Variants in POLR2F observed in about 807,000 individuals in gnomAD.
POLR2F encodes DNA-directed RNA polymerases I, II, and III subunit RPABC2.
In POLR2F, 12 loss-of-function variants were observed where a neutral mutation model predicts 22.7. That is an observed-to-expected ratio of 0.53 (90% confidence interval 0.34 to 0.86). The LOEUF (loss-of-function observed/expected upper bound fraction) is 0.86. Ranked by LOEUF, POLR2F falls within the 40% of genes least tolerant of loss-of-function variation. The pLI is 0.02. For synonymous variants in POLR2F, 57 were observed against 66.0 expected (o/e 0.86, Z 0.66); for missense variants, 126 against 171.5 (o/e 0.73, Z 1.48).
intron 4 of POLR2F, among the ~76,000 whole-genome samples, chr22:37,979,361 G>A (rs1171368474): frequency 1.3e-5 from 2 of 152,182 alleles, no homozygotes; most frequent in Non-Finnish European, 2.9e-5. Flanking sequence ...GCCTCCCAAA[G>A]TGCTGAGATT....
intron 1 of POLR2F, among the ~76,000 whole-genome samples, chr22:37,955,776 G>A (rs1035381694): frequency 5.9e-5 from 9 of 151,826 alleles, no homozygotes; most frequent in Admixed American, 2.6e-4. Flanking sequence ...TCCGCCTCTC[G>A]GGTTCAAGCA....
At chr22:37,985,137 G>A (rs1168906359), upstream of POLR2F, 1 of 152,214 alleles carries the variant, frequency 6.6e-6, no homozygotes, top group Non-Finnish European at 1.5e-5. Context: ...TTGACCCCTG[G>A]TCCCTTCTCT....
At chr22:37,983,425 C>T (rs1304042082), upstream of POLR2F, 2 of 1,611,624 alleles carry the variant, frequency 1.2e-6, no homozygotes, top group Non-Finnish European at 1.7e-6. The surrounding 1 kb of genome is among the most constrained non-coding windows in gnomAD (Gnocchi z 9.5). Flanking sequence ...CCGCGAGCTT[C>T]CTGCGCGCTG....
chr22:38,003,468 C>G (rs1375142525), intron 1 of POLR2F, among the ~76,000 whole-genome samples: 1 of 151,416 alleles, frequency 6.6e-6, no homozygotes, highest in Non-Finnish European at 1.5e-5. Flanking sequence ...CTCAAGTGAT[C>G]CGCCCACCTC....
chr22:37,986,012 C>A, upstream of POLR2F: 8 of 1,304,548 alleles, frequency 6.1e-6, no homozygotes, highest in Non-Finnish European at 8.0e-6. This position sits in a 1 kb window ranked among gnomAD's most constrained non-coding sequence, Gnocchi z 4.7. Context: ...GCGCTGCCAA[C>A]CCTCCTCCCC....
At chr22:38,002,149 C>T (rs2084776770) in intron 1 of POLR2F, among the ~76,000 whole-genome samples, 1 of 141,058 alleles carries the variant, frequency 7.1e-6, no homozygotes, top group South Asian at 2.3e-4. Context: ...CACACCTGGC[C>T]TTTTTTTTTT....
chr22:37,966,880 C>A (rs910914625), intron 3 of POLR2F, among the ~76,000 whole-genome samples: 2 of 152,212 alleles, frequency 1.3e-5, no homozygotes, highest in Non-Finnish European at 2.9e-5. Flanking sequence ...CCCTTTCCAC[C>A]AGGACATTCT....
At chr22:37,981,600 G>A (rs537013758), upstream of POLR2F, among the ~76,000 whole-genome samples, 39 of 152,324 alleles carry the variant, frequency 2.6e-4, no homozygotes, top group African/African-American at 9.1e-4. Context: ...AATGAGGTCC[G>A]TCCTTGCTTT....
At chr22:38,015,780 C>T (rs566716240) in intron 1 of POLR2F, among the ~76,000 whole-genome samples, 144 of 152,256 alleles carry the variant, frequency 9.5e-4, no homozygotes, top group Admixed American at 2.9e-3. Flanking sequence ...CCATGTGCCA[C>T]GCTGTGTTCT....
At chr22:38,037,585 C>T (rs2085128654) in intron 5 of POLR2F, among the ~76,000 whole-genome samples, 1 of 140,362 alleles carries the variant, frequency 7.1e-6, no homozygotes, top group Admixed American at 7.4e-5. Context: ...TGCCTGGCCT[C>T]TTCCTATCTC....
intron 3 of POLR2F, among the ~76,000 whole-genome samples, chr22:37,964,825 G>T (rs1262505999): frequency 1.3e-5 from 2 of 150,450 alleles, no homozygotes; most frequent in East Asian, 4.0e-4. Flanking sequence ...CACCTGCCTT[G>T]GCCTCCCGAA....
intron 4 of POLR2F, among the ~76,000 whole-genome samples, chr22:37,976,594 C>T (rs1021172655): frequency 1.3e-5 from 2 of 152,200 alleles, no homozygotes; most frequent in African/African-American, 4.8e-5. Context: ...GGAACACAGG[C>T]AAGGCAGCTG....
chr22:38,025,702 C>T (rs1255635087), intron 1 of POLR2F: 4 of 1,530,430 alleles, frequency 2.6e-6, no homozygotes, highest in African/African-American at 1.4e-5. Context: ...GATATCATCA[C>T]CCCATTGTAC....
chr22:38,021,515 GAC>G (rs2145820869), intron 1 of POLR2F, among the ~76,000 whole-genome samples: 1 of 152,310 alleles, frequency 6.6e-6, no homozygotes, highest in South Asian at 2.1e-4. Context: ...GGAGTACAGT[GAC>G]GCGATCATGG....
At chr22:38,037,755 G>A (rs2085130978) in intron 5 of POLR2F, among the ~76,000 whole-genome samples, 2 of 152,158 alleles carry the variant, frequency 1.3e-5, no homozygotes, top group Admixed American at 1.3e-4. Flanking sequence ...ACCATTCCTG[G>A]CTAATTTTTG....
intron 2 of POLR2F, among the ~76,000 whole-genome samples, 172 bp from the exon 3 acceptor site, chr22:37,959,174 A>C (rs1931522371): frequency 6.6e-6 from 1 of 152,148 alleles, no homozygotes; most frequent in Non-Finnish European, 1.5e-5. Flanking sequence ...CCTGCCTCAT[A>C]AGGTTATTGT....
intron 4 of POLR2F, among the ~76,000 whole-genome samples, chr22:37,976,334 T>C (rs1216644314): frequency 6.6e-6 from 1 of 152,240 alleles, no homozygotes; most frequent in Non-Finnish European, 1.5e-5. Context: ...TAGCTGGGAC[T>C]GCGGGCGCAT....
At chr22:37,972,030 GAGAC>G (rs1027023257), downstream of POLR2F, among the ~76,000 whole-genome samples, 3 of 149,102 alleles carry the variant, frequency 2.0e-5, no homozygotes, top group African/African-American at 7.4e-5. Flanking sequence ...AGCAGGGAGA[GAGAC>G]AGAAAGAGAG....
chr22:38,032,222 T>G (rs2085072434), intron 5 of POLR2F: 1 of 152,246 alleles, frequency 6.6e-6, no homozygotes, highest in Admixed American at 6.5e-5. Flanking sequence ...GGTCTTGAAC[T>G]CCTGATCTCA....
Sources: allele counts gnomAD v4.1 joint callset (sites outside exome capture counted in the v4.1 genomes callset), GRCh38; gene constraint gnomAD v4.1.1; non-coding constraint Gnocchi (gnomAD v3.1); transcripts MANE v1.5; gene names NCBI Gene and HGNC (gene_info 2026-07-23, HGNC 2026-07-21).